SH3KBP1: variants seen among roughly 807,000 people sequenced by gnomAD.
The protein encoded by SH3KBP1 is SH3 domain-containing kinase-binding protein 1.
A neutral mutation model predicts 50.1 loss-of-function variants in SH3KBP1; 8 were observed. The observed-to-expected ratio is 0.16, with a 90% confidence interval of 0.09 to 0.29. SH3KBP1 has a LOEUF of 0.29. Ranked by LOEUF, SH3KBP1 falls within the 10% of genes least tolerant of loss-of-function variation. The pLI is 1.00. For synonymous variants in SH3KBP1, 227 were observed against 218.6 expected (o/e 1.04, Z -0.34); for missense variants, 377 against 535.2 (o/e 0.70, Z 2.92).
chrX:19,884,701 AC>A (rs1394245522), intron 1 of SH3KBP1, among the ~76,000 whole-genome samples: 2 of 112,481 alleles, frequency 1.8e-5, no homozygotes. Context: ...CTGGAATTAA[AC>A]AGAAATCATT....
At chrX:19,776,263 T>C (rs2065968772) in intron 2 of SH3KBP1, among the ~76,000 whole-genome samples, 1 of 111,226 alleles carries the variant, frequency 9.0e-6, no homozygotes, top group Non-Finnish European at 1.9e-5. Flanking sequence ...GGAAATGTTT[T>C]ATGGCCTGAG....
intron 2 of SH3KBP1, among the ~76,000 whole-genome samples, chrX:19,818,645 T>G (rs2067430042): frequency 1.8e-5 from 2 of 111,931 alleles, no homozygotes; most frequent in Admixed American, 9.5e-5. Context: ...TTGAATTTTG[T>G]CAATTTTTTT....
At position 19,766,706 on chromosome X, in the gene SH3KBP1, T is replaced by C. The variant is rs775299366; in HGVS notation, c.163-20265A>G. 4.6e-5 allele frequency among the ~76,000 whole-genome samples: 5 copies of C among 108,586 alleles called. No individual in the cohort carries two copies. The East Asian group carries it at 1.4e-3, about 31-fold the overall frequency. 94.3% of individuals were successfully genotyped at this position (108,586 alleles called of 115,157 possible). A position where few individuals can be genotyped will look rare whatever the true frequency, so the allele number is the denominator to read the frequency against. Reference sequence around the variant, plus strand: ...TTTTAGTAGAGATGGGGTTTCACCATGGTCTCGACCTCCTTACCTCGTGAT... The same window carrying C: ...TTTTAGTAGAGATGGGGTTTCACCACGGTCTCGACCTCCTTACCTCGTGAT... On this transcript the variant is annotated intron_variant, in intron 2 of 17. Transcript: ENST00000397821.
intron 7 of SH3KBP1, among the ~76,000 whole-genome samples, chrX:19,636,264 A>C (rs771796814): frequency 8.3e-4 from 92 of 111,131 alleles, no homozygotes; most frequent in Non-Finnish European, 1.2e-3. Context: ...GAAATCCTAA[A>C]TCAGTTCATA....
intron 6 of SH3KBP1, among the ~76,000 whole-genome samples, chrX:19,680,707 C>G (rs1419619294): frequency 8.9e-6 from 1 of 112,336 alleles, no homozygotes; most frequent in Non-Finnish European, 1.9e-5. Flanking sequence ...AACAGAATCA[C>G]ACTTATCGGC....
chrX:19,809,698 C>T (rs1405339185), intron 2 of SH3KBP1, among the ~76,000 whole-genome samples: 1 of 112,256 alleles, frequency 8.9e-6, no homozygotes, highest in Non-Finnish European at 1.9e-5. Flanking sequence ...ATCCAACCAT[C>T]ATTAATATTC....
At chrX:19,633,359 G>A (rs190277233) in intron 7 of SH3KBP1, among the ~76,000 whole-genome samples, 1 of 111,910 alleles carries the variant, frequency 8.9e-6, no homozygotes, top group Non-Finnish European at 1.9e-5. Flanking sequence ...CCTGTGCTGA[G>A]GGGCAATAGT....
At chrX:19,834,285 C>T (rs1215425272) in intron 2 of SH3KBP1, among the ~76,000 whole-genome samples, 1 of 112,022 alleles carries the variant, frequency 8.9e-6, no homozygotes, top group Non-Finnish European at 1.9e-5. Context: ...CGGGGGTCAC[C>T]TGCTTCTCTG....
chrX:19,835,193 G>A (rs963387404), intron 2 of SH3KBP1, among the ~76,000 whole-genome samples: 1 of 112,165 alleles, frequency 8.9e-6, no homozygotes, highest in Non-Finnish European at 1.9e-5. Flanking sequence ...GAGTGCTCTG[G>A]CATGATCACG....
intron 3 of SH3KBP1, among the ~76,000 whole-genome samples, chrX:19,712,003 A>G (rs897707063): frequency 3.6e-5 from 4 of 111,917 alleles, no homozygotes; most frequent in Non-Finnish European, 7.5e-5. Flanking sequence ...AATCAGCACC[A>G]CAAATAACAG....
chrX:19,637,233 T>C (rs2061728956), intron 7 of SH3KBP1, among the ~76,000 whole-genome samples: 1 of 112,349 alleles, frequency 8.9e-6, no homozygotes, highest in Admixed American at 9.4e-5. Flanking sequence ...ATAAAGACTA[T>C]GAGTAGGCAT....
intron 6 of SH3KBP1, among the ~76,000 whole-genome samples, chrX:19,659,565 G>A (rs2062400071): frequency 8.9e-6 from 1 of 112,021 alleles, no homozygotes; most frequent in African/African-American, 3.2e-5. Flanking sequence ...GCTGCACCCA[G>A]CCAAGGTCCA....
intron 8 of SH3KBP1, among the ~76,000 whole-genome samples, chrX:19,614,095 C>T (rs1178762275): frequency 8.8e-6 from 1 of 113,043 alleles, no homozygotes. Flanking sequence ...CTAGTCCCTG[C>T]TGCCTCAGGT....
At chrX:19,874,470 G>A (rs1424979919) in intron 1 of SH3KBP1, among the ~76,000 whole-genome samples, 1 of 82,313 alleles carries the variant, frequency 1.2e-5, no homozygotes, top group African/African-American at 4.7e-5. Flanking sequence ...AGGTGTTGAG[G>A]GGTGAGAGAA....
chrX:19,833,971 C>T (rs2067989921), intron 2 of SH3KBP1, among the ~76,000 whole-genome samples: 1 of 111,247 alleles, frequency 9.0e-6, no homozygotes, highest in Non-Finnish European at 1.9e-5. Context: ...TGGGAGCGAG[C>T]GGCTGGATTC....
In SH3KBP1 at chrX:19,690,109, G is replaced by A. The variant is rs972931126; in HGVS notation, c.520+5503C>T. Among the ~76,000 whole-genome samples, 23 of 100,550 alleles carry A rather than the reference G, an allele frequency of 2.3e-4. 1 individual carries two copies. The highest frequency in any genetic ancestry group is 8.6e-4 in the African/African-American group (23 of 26,751). The allele number at this position is 100,550 out of a possible 115,157, so 87.3% of individuals were successfully genotyped here. Reference sequence around the variant, plus strand: ...GGGTCTTGCTCTGTCGCCCAGGCTCGAGTGCAATGGCACAATCATAGTTCA... The same window carrying A: ...GGGTCTTGCTCTGTCGCCCAGGCTCAAGTGCAATGGCACAATCATAGTTCA... On this transcript the variant is annotated intron_variant, in intron 5 of 17. Coordinates refer to ENST00000397821, the MANE Select transcript of SH3KBP1 (RefSeq NM_031892.3).
chrX:19,701,809 A>G (rs1212848566), intron 4 of SH3KBP1, among the ~76,000 whole-genome samples: 1 of 112,348 alleles, frequency 8.9e-6, no homozygotes, highest in Non-Finnish European at 1.9e-5. Flanking sequence ...CCAAATCTCA[A>G]TAAACACAGT....
intron 6 of SH3KBP1, among the ~76,000 whole-genome samples, chrX:19,656,451 T>C (rs893242371): frequency 3.6e-5 from 4 of 112,183 alleles, no homozygotes; most frequent in African/African-American, 9.7e-5. Flanking sequence ...AGGCAGTTCA[T>C]AGTTTACAGT....
rs150879277 is a variant in SH3KBP1 at position 19,562,404 on chromosome X, G to A, written c.1384+6699C>T. ...GAGATCTGAGAGCTGAACATCACCT[G>A]TTCCCTTGCTTCCACATTCATTTTC... On this transcript the variant is annotated intron_variant, in intron 13 of 17. Coordinates refer to ENST00000397821, the MANE Select transcript of SH3KBP1 (RefSeq NM_031892.3). Among the ~76,000 whole-genome samples, 13 of 111,383 alleles carry A rather than the reference G, an allele frequency of 1.2e-4. No individual in the cohort carries two copies. In the East Asian group the frequency reaches 3.4e-3, roughly 29 times the overall value.
Sources: allele counts gnomAD v4.1 joint callset (sites outside exome capture counted in the v4.1 genomes callset), GRCh38; gene constraint gnomAD v4.1.1; transcripts MANE v1.5; gene names NCBI Gene and HGNC (gene_info 2026-07-23, HGNC 2026-07-21).